Variants in ZSCAN5A observed in about 807,000 individuals in gnomAD.
ZSCAN5A encodes the protein zinc finger and SCAN domain-containing protein 5A.
In ZSCAN5A, 12 loss-of-function variants were observed where a neutral mutation model predicts 23.7. That is an observed-to-expected ratio of 0.51 (90% confidence interval 0.32 to 0.82). The LOEUF (loss-of-function observed/expected upper bound fraction) is 0.82, where lower values mean the gene tolerates loss of function less well. ZSCAN5A is among the 40% of genes least tolerant of loss of function. The pLI is 0.03. For missense variants in ZSCAN5A, 597 were observed against 617.9 expected (o/e 0.97, Z 0.36); for synonymous variants, 257 against 239.9 (o/e 1.07, Z -0.66).
chr19:56,244,284 A>G, intron 2 of ZSCAN5A: 1 of 1,610,334 alleles, frequency 6.2e-7, no homozygotes, highest in South Asian at 1.1e-5. Context: ...CACACCAAAG[A>G]GCAGATCCTG....
intron 2 of ZSCAN5A, among the ~76,000 whole-genome samples, chr19:56,300,965 G>C (rs2040188073): frequency 1.3e-5 from 2 of 152,138 alleles, no homozygotes. Flanking sequence ...CACTCATGTG[G>C]GAGATGGATG....
intron 2 of ZSCAN5A, among the ~76,000 whole-genome samples, chr19:56,272,167 A>G (rs1319042547): frequency 6.6e-6 from 1 of 152,240 alleles, no homozygotes; most frequent in East Asian, 1.9e-4. Flanking sequence ...GGAAAGGAAT[A>G]TACACAAAAA....
intron 2 of ZSCAN5A, among the ~76,000 whole-genome samples, chr19:56,259,746 G>C (rs541001912): frequency 1.3e-5 from 2 of 152,366 alleles, no homozygotes; most frequent in South Asian, 4.1e-4. Context: ...GGCCAAGGCA[G>C]GTGAACTGCT....
intron 2 of ZSCAN5A, chr19:56,310,406 G>T (rs986264149): frequency 6.6e-6 from 1 of 152,216 alleles, no homozygotes; most frequent in Non-Finnish European, 1.5e-5. Flanking sequence ...GATCGTTCTC[G>T]AACTTTCCCC....
chr19:56,247,192 G>A (rs375603262), intron 2 of ZSCAN5A: 14 of 559,666 alleles, frequency 2.5e-5, no homozygotes, highest in African/African-American at 3.8e-5. Flanking sequence ...AGACCTCCGC[G>A]TCCACCAGCG....
At chr19:56,305,230 CTG>C (rs2040606308) in intron 2 of ZSCAN5A, among the ~76,000 whole-genome samples, 1 of 151,610 alleles carries the variant, frequency 6.6e-6, no homozygotes, top group African/African-American at 2.4e-5. Context: ...AAAGGGAACT[CTG>C]TACCAAGACA....
At chr19:56,259,078 ACC>A in intron 2 of ZSCAN5A, among the ~76,000 whole-genome samples, 1 of 152,274 alleles carries the variant, frequency 6.6e-6, no homozygotes, top group Non-Finnish European at 1.5e-5. Context: ...AGCTGAGCCC[ACC>A]ACCGATTTCC....
chr19:56,362,696 C>T (rs528581564), intron 2 of ZSCAN5A, among the ~76,000 whole-genome samples: 3 of 152,112 alleles, frequency 2.0e-5, no homozygotes, highest in East Asian at 1.9e-4. Flanking sequence ...GGTAAAACCC[C>T]GTCTCTACTG....
At chr19:56,224,572 G>A (rs2033707102) in intron 3 of ZSCAN5A, 91 bp downstream of exon 3, 2 of 1,489,782 alleles carry the variant, frequency 1.3e-6, no homozygotes, top group African/African-American at 1.4e-5. Flanking sequence ...CTGACCTAGA[G>A]CAGCCCCTCG....
At chr19:56,327,865 TC>T (rs1404372368) in intron 2 of ZSCAN5A, among the ~76,000 whole-genome samples, 3 of 152,142 alleles carry the variant, frequency 2.0e-5, no homozygotes, top group Non-Finnish European at 4.4e-5. Context: ...TACATAAGTA[TC>T]CATACGTGTA....
intron 2 of ZSCAN5A, among the ~76,000 whole-genome samples, chr19:56,235,068 G>A: frequency 7.5e-6 from 1 of 134,004 alleles, no homozygotes; most frequent in South Asian, 2.3e-4. Flanking sequence ...ATTGACCGTG[G>A]GCCAAGCCTC....
At chr19:56,301,520 A>G (rs1039584103) in intron 2 of ZSCAN5A, among the ~76,000 whole-genome samples, 1 of 151,738 alleles carries the variant, frequency 6.6e-6, no homozygotes, top group African/African-American at 2.4e-5. Context: ...CTTTACCGCA[A>G]CCTGTTTTAT....
chr19:56,235,060 T>TGGGCCAAGCCTCCACTCCAACCTCTGATG (rs2034780022), intron 2 of ZSCAN5A, among the ~76,000 whole-genome samples: 1 of 101,030 alleles, frequency 9.9e-6, no homozygotes, highest in African/African-American at 3.5e-5. Flanking sequence ...AGCCTCTGAT[T>TGGGCCAAGCCTCCACTCCAACCTCTGATG]GACCGTGGGC....
At chr19:56,318,336 G>A (rs2041339361), upstream of ZSCAN5A, among the ~76,000 whole-genome samples, 1 of 151,892 alleles carries the variant, frequency 6.6e-6, no homozygotes, top group Non-Finnish European at 1.5e-5. Context: ...CTTTATAAAT[G>A]CACGTAGCTC....
At chr19:56,298,100 T>C (rs1454078505) in intron 2 of ZSCAN5A, 2 of 147,782 alleles carry the variant, frequency 1.4e-5, no homozygotes, top group Non-Finnish European at 3.0e-5. Flanking sequence ...ACAACACTAA[T>C]GGTTGGTTCT....
chr19:56,354,530 A>G (rs556849565), intron 2 of ZSCAN5A: 2 of 152,244 alleles, frequency 1.3e-5, no homozygotes, highest in South Asian at 4.1e-4. Context: ...TCAATGTCAC[A>G]TTGAAGTAGG....
chr19:56,233,414 ATGC>A (rs1245433382), intron 2 of ZSCAN5A, among the ~76,000 whole-genome samples: 2 of 152,136 alleles, frequency 1.3e-5, no homozygotes, highest in African/African-American at 4.8e-5. Context: ...ATGAGAGGAC[ATGC>A]TTGGCACCTG....
chr19:56,239,795 C>T (rs1279352162), intron 2 of ZSCAN5A, among the ~76,000 whole-genome samples: 1 of 150,772 alleles, frequency 6.6e-6, no homozygotes, highest in African/African-American at 2.4e-5. Context: ...ATTAATCCAA[C>T]AACTCTTAAC....
chr19:56,336,182 C>T (rs2041534160), intron 2 of ZSCAN5A, among the ~76,000 whole-genome samples: 1 of 152,214 alleles, frequency 6.6e-6, no homozygotes, highest in African/African-American at 2.4e-5. Context: ...AGAGTGTTTT[C>T]CAACTTGGTT....
Sources: gnomAD v4.1 joint callset for allele counts (sites outside exome capture counted in the v4.1 genomes callset) on GRCh38, gnomAD v4.1.1 for gene constraint, MANE v1.5 for transcripts, NCBI Gene and HGNC (gene_info 2026-07-23, HGNC 2026-07-21) for gene names.